The following SGIP1 variants were observed in gnomAD, a reference collection of about 807,000 sequenced individuals.
The protein encoded by SGIP1 is SH3-containing GRB2-like protein 3-interacting protein 1.
A neutral mutation model predicts 107.5 loss-of-function variants in SGIP1; 38 were observed. That is an observed-to-expected ratio of 0.35 (90% confidence interval 0.27 to 0.46). The LOEUF (loss-of-function observed/expected upper bound fraction) is 0.46, where lower values mean the gene tolerates loss of function less well. Ranked by LOEUF, SGIP1 falls within the 20% of genes least tolerant of loss-of-function variation. The pLI, the probability that SGIP1 is intolerant of heterozygous loss-of-function variation, is 1.00. For missense variants in SGIP1, 929 were observed against 1,019.5 expected (o/e 0.91, Z 1.21); for synonymous variants, 365 against 366.1 (o/e 1.00, Z 0.03).
At chr1:66,644,451 C>T (rs1359130452) in intron 7 of SGIP1, among the ~76,000 whole-genome samples, 1 of 152,098 alleles carries the variant, frequency 6.6e-6, no homozygotes, top group Non-Finnish European at 1.5e-5. Context: ...ACATGTACAG[C>T]CTTTTCTCTG....
rs545293223 is a variant in SGIP1 at position 66,728,979 on chromosome 1, A to T, written c.1743-285A>T. On this transcript the variant is annotated intron_variant, in intron 19 of 24. Coordinates refer to ENST00000371037, the MANE Select transcript of SGIP1 (RefSeq NM_032291.4). ...AGGGAGGAGGATGGGAGAAGAGAAA[A>T]GTTCAGAAAAAAAAAACTGTCAAAT... Among the ~76,000 whole-genome samples the T allele has an allele frequency of 2.6e-5, 4 of 152,222 alleles. No homozygotes were observed. In the South Asian group the frequency reaches 8.3e-4, roughly 32 times the overall value.
intron 17 of SGIP1, among the ~76,000 whole-genome samples, chr1:66,691,712 A>G (rs2089892177): frequency 6.6e-6 from 1 of 152,128 alleles, no homozygotes; most frequent in Non-Finnish European, 1.5e-5. Context: ...TTTCTAGATT[A>G]GTTGTTTCAC....
intron 1 of SGIP1, among the ~76,000 whole-genome samples, chr1:66,595,160 C>T (rs915501132): frequency 2.6e-5 from 4 of 152,308 alleles, no homozygotes; most frequent in African/African-American, 7.2e-5. Flanking sequence ...TCATACACTT[C>T]GTGCTGATCA....
At chr1:66,546,291 A>G (rs2056373136) in intron 1 of SGIP1, among the ~76,000 whole-genome samples, 2 of 152,190 alleles carry the variant, frequency 1.3e-5, no homozygotes, top group South Asian at 4.1e-4. Context: ...TGCAGTTAAT[A>G]TAGTATCTCA....
chr1:66,585,815 T>A (rs2062525634), intron 1 of SGIP1, among the ~76,000 whole-genome samples: 1 of 152,038 alleles, frequency 6.6e-6, no homozygotes, highest in Admixed American at 6.6e-5. Context: ...TTCTAAGGAA[T>A]CCAGTGAATA....
Position 66,729,341 on chromosome 1 carries a change from C to A in SGIP1, c.1820C>A (p.Ser607Tyr), listed in dbSNP as rs1031939262. Reference sequence around the variant, plus strand: ...ACCAGACACTTTGCCAACAACCCGTCCCCAGCTGCTCTGACTTTTCGGGTG... The same window carrying A: ...ACCAGACACTTTGCCAACAACCCGTACCCAGCTGCTCTGACTTTTCGGGTG... The part of the protein sequence containing the change: ...GITRHFANNP[S>Y]PAALTFRVIN... Residue 607 changes from serine to tyrosine, a missense_variant, in exon 20 of 25, where the codon TCC becomes TAC. Around this residue, in one of 2 missense-constraint regions of SGIP1, gnomAD observed 341 missense variants for 430.9 expected, o/e 0.79. Coordinates refer to ENST00000371037, the MANE Select transcript of SGIP1 (RefSeq NM_032291.4). 6.2e-7 allele frequency: 1 copy of A among 1,614,136 alleles called. No homozygotes were observed. Among genetic ancestry groups the A allele is most frequent in the East Asian group, 2.2e-5 (1 of 44,876 alleles).
intron 1 of SGIP1, among the ~76,000 whole-genome samples, chr1:66,547,411 C>A (rs903145345): frequency 6.6e-5 from 10 of 152,146 alleles, no homozygotes; most frequent in African/African-American, 1.2e-4. Context: ...TAGTTACAAA[C>A]CCAAATATAG....
Position 66,741,384 on chromosome 1 carries a change from A to T in SGIP1, c.2412A>T (p.Glu804Asp), listed in dbSNP as rs778273076. ...GCACCCTTTCTGGCTGTGACATTGA[A>T]CTTGTTGGAGCAGGGTATCGATTTT... The part of the protein sequence containing the change: ...EGSTLSGCDI[E>D]LVGAGYRFSL... Residue 804 changes from glutamate to aspartate, a missense_variant, in exon 24 of 25, where the codon GAA (glutamate) becomes GAT (aspartate). Transcript: ENST00000371037. 6.2e-7 allele frequency: 1 copy of T among 1,609,350 alleles called. No homozygotes were observed. Among genetic ancestry groups the T allele is most frequent in the Non-Finnish European group, 8.5e-7 (1 of 1,177,492 alleles).
At chr1:66,686,974 A>C (rs1571833911) in intron 15 of SGIP1, among the ~76,000 whole-genome samples, 2 of 152,242 alleles carry the variant, frequency 1.3e-5, no homozygotes, top group Non-Finnish European at 2.9e-5. Flanking sequence ...GGTAGAAACA[A>C]GGCCTCACTG....
intron 5 of SGIP1, 30 bp downstream of exon 5, chr1:66,639,863 T>A: frequency 6.3e-7 from 1 of 1,579,762 alleles, no homozygotes; most frequent in African/African-American, 1.4e-5. Context: ...TTCTCTTTAT[T>A]AAGTATTTTA....
At chr1:66,623,385 G>T (rs1241851985) in intron 1 of SGIP1, among the ~76,000 whole-genome samples, 1 of 152,044 alleles carries the variant, frequency 6.6e-6, no homozygotes, top group African/African-American at 2.4e-5. Flanking sequence ...AAGTAGCTGG[G>T]ACTACAGGTG....
At chr1:66,697,560 A>T (rs1444476312) in intron 18 of SGIP1, among the ~76,000 whole-genome samples, 9 of 152,216 alleles carry the variant, frequency 5.9e-5, no homozygotes, top group Non-Finnish European at 1.3e-4. Flanking sequence ...CTCGCTAAAA[A>T]ATGTTTATGC....
chr1:66,583,954 A>T (rs540208172), intron 1 of SGIP1, among the ~76,000 whole-genome samples: 2 of 152,280 alleles, frequency 1.3e-5, no homozygotes, highest in African/African-American at 4.8e-5. Context: ...TAAACTTGGG[A>T]CATTTTTGCT....
intron 1 of SGIP1, among the ~76,000 whole-genome samples, chr1:66,566,788 C>G (rs184236639): frequency 1.4e-4 from 22 of 152,044 alleles, no homozygotes; most frequent in African/African-American, 5.3e-4. Context: ...TGATTTGCTG[C>G]ACCCATCAAC....
At chr1:66,579,669 C>T (rs1450146980) in intron 1 of SGIP1, among the ~76,000 whole-genome samples, 1 of 152,140 alleles carries the variant, frequency 6.6e-6, no homozygotes, top group African/African-American at 2.4e-5. Context: ...GCCTTGGCTC[C>T]TTGTACCTAT....
chr1:66,603,499 G>T (rs900328935), intron 1 of SGIP1, among the ~76,000 whole-genome samples: 14 of 152,034 alleles, frequency 9.2e-5, no homozygotes, highest in African/African-American at 3.4e-4. Context: ...TAAAGGACTA[G>T]AATTAGAATA....
intron 22 of SGIP1, 49 bp downstream of exon 22, chr1:66,739,586 G>A: frequency 3.2e-6 from 5 of 1,584,548 alleles, no homozygotes; most frequent in Non-Finnish European, 3.5e-6. Context: ...TGGGTCAAGA[G>A]GTCACAGACT....
chr1:66,630,852 A>G (rs2074210486), intron 2 of SGIP1, among the ~76,000 whole-genome samples: 1 of 32,468 alleles, frequency 3.1e-5, no homozygotes, highest in African/African-American at 1.9e-4. Flanking sequence ...AGAAAGAAAG[A>G]AAGAAAGAAA....
intron 18 of SGIP1, among the ~76,000 whole-genome samples, chr1:66,711,744 G>A (rs1022161140): frequency 6.6e-6 from 1 of 152,126 alleles, no homozygotes; most frequent in Admixed American, 6.5e-5. Flanking sequence ...GCAAAATGGG[G>A]ACAGTCTTTA....
Sources: gnomAD v4.1 joint callset for allele counts (sites outside exome capture counted in the v4.1 genomes callset) on GRCh38, gnomAD v4.1.1 for gene constraint, gnomAD v4.1.1 regional missense constraint, MANE v1.5 for transcripts, NCBI Gene and HGNC (gene_info 2026-07-23, HGNC 2026-07-21) for gene names.